Variants in SINHCAF observed in about 807,000 individuals in gnomAD.
SINHCAF encodes SIN3-HDAC complex-associated factor.
A neutral mutation model predicts 25.8 loss-of-function variants in SINHCAF; 3 were observed. That is an observed-to-expected ratio of 0.12 (90% CI 0.05 to 0.30). The LOEUF (loss-of-function observed/expected upper bound fraction) is 0.30. Ranked by LOEUF, SINHCAF falls within the 10% of genes least tolerant of loss-of-function variation. SINHCAF has a pLI of 1.00. For synonymous variants in SINHCAF, 70 were observed against 85.5 expected (o/e 0.82, Z 1.00); for missense variants, 121 against 262.3 (o/e 0.46, Z 3.72).
intron 1 of SINHCAF, chr12:31,305,200 T>TG: frequency 6.6e-6 from 1 of 152,170 alleles, no homozygotes; most frequent in Non-Finnish European, 1.5e-5. Context: ...CAACGATACC[T>TG]GGTAAGGGCC....
chr12:31,287,800 A>C lies in SINHCAF; in HGVS notation c.356-16T>G. The C allele has an allele frequency of 6.4e-7, 1 of 1,557,292 alleles. No individual in the cohort carries two copies. The highest frequency in any genetic ancestry group is 1.2e-5 in the South Asian group (1 of 82,006). On this transcript the variant is annotated splice_polypyrimidine_tract_variant and intron_variant, in intron 4 of 5. Coordinates refer to ENST00000337682, the MANE Select transcript of SINHCAF (RefSeq NM_001135812.2). ...GCATCAGAATCTGCAATAAAGATTA[A>C]GAGAAAAAATAAAATTTTCAATTTC...
intron 5 of SINHCAF, among the ~76,000 whole-genome samples, chr12:31,285,249 G>A (rs1480669873): frequency 2.0e-5 from 3 of 151,938 alleles, no homozygotes; most frequent in African/African-American, 7.3e-5. Flanking sequence ...TTAGCAGGGT[G>A]TGGTGGTGCA....
At chr12:31,295,570 T>C (rs2137087858) in intron 2 of SINHCAF, among the ~76,000 whole-genome samples, 1 of 152,302 alleles carries the variant, frequency 6.6e-6, no homozygotes, top group East Asian at 1.9e-4. Flanking sequence ...AGAAATGCTT[T>C]TAAAATTAAA....
At chr12:31,314,429 G>C (rs1939416911) in intron 1 of SINHCAF, among the ~76,000 whole-genome samples, 1 of 152,150 alleles carries the variant, frequency 6.6e-6, no homozygotes, top group African/African-American at 2.4e-5. Context: ...TGAAGGCTGA[G>C]GCAGAAGAAT....
Position 31,308,164 on chromosome 12 carries a change from C to T in SINHCAF, c.-20-9940G>A, listed in dbSNP as rs140854416. On this transcript the variant is annotated intron_variant, in intron 1 of 5. Coordinates refer to ENST00000337682, the MANE Select transcript of SINHCAF (RefSeq NM_001135812.2). ...CCATGTTGCCCGTGCTGGTCTTGAA[C>T]GCCTAGCCACAAGTATCTGCCCACC... Among the ~76,000 whole-genome samples, 870 of 152,270 alleles carry T rather than the reference C, an allele frequency of 5.7e-3. 12 individuals carry two copies. The highest frequency in any genetic ancestry group is 0.02 in the African/African-American group (823 of 41,546).
Position 31,324,184 on chromosome 12 carries a change from C to T in SINHCAF, c.-21+1840G>A, listed in dbSNP as rs548736305. 3.9e-4 allele frequency: 86 copies of T among 220,780 alleles called. No homozygotes were observed. Among genetic ancestry groups the T allele is most frequent in the Admixed American group, 1.0e-3 (16 of 15,700 alleles). 13.7% of individuals were successfully genotyped at this position (220,780 alleles called of 1,614,324 possible). A position where few individuals can be genotyped will look rare whatever the true frequency, so the allele number is the denominator to read the frequency against. Reference sequence around the variant, plus strand: ...CAACGGGCCCCGCGCCAGCCCGGCCCGGCGCCTCCCGCAGGCCGCGCCTCC... The same window carrying T: ...CAACGGGCCCCGCGCCAGCCCGGCCTGGCGCCTCCCGCAGGCCGCGCCTCC... On this transcript the variant is annotated intron_variant, in intron 1 of 5. Transcript: ENST00000337682. The surrounding 1 kb of genome is among the most constrained non-coding windows in gnomAD (Gnocchi z 5.5).
intron 5 of SINHCAF, among the ~76,000 whole-genome samples, chr12:31,284,190 C>A (rs1388016221): frequency 6.6e-6 from 1 of 152,144 alleles, no homozygotes; most frequent in African/African-American, 2.4e-5. Context: ...CATTCCATAC[C>A]TTCTCCCCAA....
At chr12:31,312,765 G>A (rs942442063) in intron 1 of SINHCAF, among the ~76,000 whole-genome samples, 3 of 152,166 alleles carry the variant, frequency 2.0e-5, no homozygotes, top group Non-Finnish European at 4.4e-5. Flanking sequence ...TAATTTTAAT[G>A]TAGTACAAAT....
At chr12:31,300,677 G>A (rs1023899920) in intron 1 of SINHCAF, among the ~76,000 whole-genome samples, 1 of 152,178 alleles carries the variant, frequency 6.6e-6, no homozygotes. Context: ...TCAAATGACA[G>A]AAGATTGCAG....
intron 1 of SINHCAF, among the ~76,000 whole-genome samples, chr12:31,317,073 G>GT (rs895572102): frequency 5.3e-5 from 8 of 152,138 alleles, no homozygotes; most frequent in Admixed American, 3.3e-4. Context: ...GAAGTAAAGC[G>GT]TTTTTTAATA....
chr12:31,287,843 C>A, intron 4 of SINHCAF, 59 bp from the exon 5 acceptor site: 1 of 1,307,804 alleles, frequency 7.6e-7, no homozygotes, highest in Non-Finnish European at 1.1e-6. Flanking sequence ...GTAATTGCAA[C>A]TAAACCTCAG....
intron 4 of SINHCAF, among the ~76,000 whole-genome samples, chr12:31,289,655 T>G (rs1352747169): frequency 1.3e-5 from 2 of 152,164 alleles, no homozygotes; most frequent in Admixed American, 6.5e-5. Context: ...AGGTGGGGCC[T>G]ACCATACACC....
intron 1 of SINHCAF, among the ~76,000 whole-genome samples, chr12:31,313,116 C>T (rs1939344181): frequency 1.3e-5 from 2 of 152,164 alleles, no homozygotes; most frequent in South Asian, 4.1e-4. Flanking sequence ...CCTCCACCTC[C>T]TGGGTTCAGG....
intron 1 of SINHCAF, among the ~76,000 whole-genome samples, chr12:31,307,290 A>C (rs1457580032): frequency 1.3e-5 from 2 of 152,198 alleles, no homozygotes; most frequent in East Asian, 1.9e-4. Flanking sequence ...AGGGATGCTT[A>C]AAAAGGCACT....
rs1485654088 is a variant in SINHCAF at position 31,324,926 on chromosome 12, T to G, written c.-21+1098A>C. Reference sequence around the variant, plus strand: ...TGCTTTTTAAACTGGCAAGACGCCATCATCAGCAAACCACATTGTCCTGCC... The same window carrying G: ...TGCTTTTTAAACTGGCAAGACGCCAGCATCAGCAAACCACATTGTCCTGCC... On this transcript the variant is annotated intron_variant, in intron 1 of 5. Transcript: ENST00000337682. The surrounding 1 kb of genome is among the most constrained non-coding windows in gnomAD (Gnocchi z 5.5). The G allele has an allele frequency of 2.2e-6, 1 of 455,570 alleles. No homozygotes were observed. Among genetic ancestry groups the G allele is most frequent in the Non-Finnish European group, 4.4e-6 (1 of 226,170 alleles). 28.2% of individuals were successfully genotyped at this position (455,570 alleles called of 1,614,324 possible). A position where few individuals can be genotyped will look rare whatever the true frequency, so the allele number is the denominator to read the frequency against.
At chr12:31,289,800 GTTTT>G (rs11303569) in intron 4 of SINHCAF, among the ~76,000 whole-genome samples, 1 of 146,414 alleles carries the variant, frequency 6.8e-6, no homozygotes, top group African/African-American at 2.5e-5. Context: ...GAAAATTTGG[GTTTT>G]TTTTTTTTTT....
In SINHCAF at chr12:31,301,756, CA is replaced by C. The variant is rs147217124; in HGVS notation, c.-20-3533del. 2.2e-4 allele frequency among the ~76,000 whole-genome samples: 31 copies of C among 143,796 alleles called. 1 individual carries two copies. The East Asian group carries it at 3.2e-3, about 15-fold the overall frequency. The allele number at this position is 143,796 out of a possible 152,430, so 94.3% of individuals were successfully genotyped here. On this transcript the variant is annotated intron_variant, in intron 1 of 5. Coordinates refer to ENST00000337682, the MANE Select transcript of SINHCAF (RefSeq NM_001135812.2). ...ACCCATGAAATGTTTAAAAAAACAACAAAAAAAAAACACTACTTAATCCCTA... is the reference window on the plus strand; with the variant it reads ...ACCCATGAAATGTTTAAAAAAACAACAAAAAAAAACACTACTTAATCCCTA...
intron 4 of SINHCAF, among the ~76,000 whole-genome samples, chr12:31,290,867 G>A (rs552930239): frequency 2.6e-5 from 4 of 152,214 alleles, no homozygotes; most frequent in South Asian, 4.1e-4. Flanking sequence ...TTACAGGCAT[G>A]CACCACCACG....
Position 31,289,156 on chromosome 12 carries a change from A to C in SINHCAF, c.356-1372T>G, listed in dbSNP as rs1231675292. Among the ~76,000 whole-genome samples, 2 of 152,214 alleles carry C rather than the reference A, an allele frequency of 1.3e-5. 1 individual carries two copies. Among genetic ancestry groups the C allele is most frequent in the Non-Finnish European group, 2.9e-5 (2 of 68,040 alleles). On this transcript the variant is annotated intron_variant, in intron 4 of 5. Coordinates refer to ENST00000337682, the MANE Select transcript of SINHCAF (RefSeq NM_001135812.2). ...GAAAACAAATGAACAGAGCAGGAGAAACCTGTGGAGCTTAGTCAAACATAC... is the reference window on the plus strand; with the variant it reads ...GAAAACAAATGAACAGAGCAGGAGACACCTGTGGAGCTTAGTCAAACATAC...
Sources: allele counts gnomAD v4.1 joint callset (sites outside exome capture counted in the v4.1 genomes callset), GRCh38; gene constraint gnomAD v4.1.1; non-coding constraint Gnocchi (gnomAD v3.1); transcripts MANE v1.5; gene names NCBI Gene and HGNC (gene_info 2026-07-23, HGNC 2026-07-21).